IMMP2L: variants seen among roughly 807,000 people sequenced by gnomAD.
IMMP2L encodes mitochondrial inner membrane protease subunit 2.
In IMMP2L, 18 loss-of-function variants were observed where a neutral mutation model predicts 19.3. The ratio of observed to expected loss-of-function variants is 0.93; its 90% CI spans 0.64 to 1.38. The LOEUF (loss-of-function observed/expected upper bound fraction) is 1.38, where lower values mean the gene tolerates loss of function less well. Ranked by LOEUF, IMMP2L falls within the 40% of genes most tolerant of loss-of-function variation. The pLI, the probability that IMMP2L is intolerant of heterozygous loss-of-function variation, is 0.00. For missense variants in IMMP2L, 233 were observed against 218.2 expected (o/e 1.07, Z -0.43); for synonymous variants, 76 against 73.0 (o/e 1.04, Z -0.21).
chr7:111,144,616 T>C (rs1803272298), intron 3 of IMMP2L, among the ~76,000 whole-genome samples: 1 of 152,062 alleles, frequency 6.6e-6, no homozygotes, highest in South Asian at 2.1e-4. Context: ...GTTGCTGAGT[T>C]AAAACATATT....
intron 3 of IMMP2L, among the ~76,000 whole-genome samples, chr7:111,383,989 T>C (rs1831461125): frequency 6.6e-6 from 1 of 152,092 alleles, no homozygotes; most frequent in Non-Finnish European, 1.5e-5. Context: ...TATTTAATTG[T>C]ATCTCCCAGC....
intron 3 of IMMP2L, among the ~76,000 whole-genome samples, chr7:111,112,384 T>A (rs1412601316): frequency 6.6e-6 from 1 of 152,212 alleles, no homozygotes; most frequent in Non-Finnish European, 1.5e-5. Context: ...CACTTCGTAC[T>A]TCAGAGTGCC....
At chr7:111,477,835 T>C (rs1343237784) in intron 3 of IMMP2L, among the ~76,000 whole-genome samples, 1 of 151,918 alleles carries the variant, frequency 6.6e-6, no homozygotes, top group African/African-American at 2.4e-5. Flanking sequence ...GAGGTGGAGG[T>C]TGTGGTGAGC....
intron 3 of IMMP2L, among the ~76,000 whole-genome samples, chr7:111,011,975 C>A (rs190822704): frequency 1.3e-5 from 2 of 152,136 alleles, no homozygotes; most frequent in Non-Finnish European, 1.5e-5. Flanking sequence ...CCCACTTTTC[C>A]AGAACCATTT....
chr7:111,441,239 G>T (rs1364509569), intron 3 of IMMP2L, among the ~76,000 whole-genome samples: 1 of 151,856 alleles, frequency 6.6e-6, no homozygotes, highest in Admixed American at 6.6e-5. Flanking sequence ...AGCACAAGAG[G>T]CCTACCTTTC....
intron 4 of IMMP2L, among the ~76,000 whole-genome samples, chr7:110,942,362 C>T (rs1336729405): frequency 1.3e-5 from 2 of 151,828 alleles, no homozygotes; most frequent in Non-Finnish European, 2.9e-5. Flanking sequence ...TAATAGTAGG[C>T]TGCTATGCTT....
chr7:111,160,561 T>A (rs1396177871), intron 3 of IMMP2L, among the ~76,000 whole-genome samples: 1 of 151,906 alleles, frequency 6.6e-6, no homozygotes, highest in Non-Finnish European at 1.5e-5. Flanking sequence ...ATATGTTGAG[T>A]ACTCTCTGTT....
intron 3 of IMMP2L, among the ~76,000 whole-genome samples, chr7:111,475,822 T>G (rs912678593): frequency 2.6e-5 from 4 of 152,128 alleles, no homozygotes; most frequent in African/African-American, 9.7e-5. Context: ...TAATTGCAAC[T>G]ACAGACATAA....
At chr7:111,428,972 C>T (rs545725982) in intron 3 of IMMP2L, among the ~76,000 whole-genome samples, 151 of 151,764 alleles carry the variant, frequency 9.9e-4, no homozygotes, top group Middle Eastern at 6.8e-3. Flanking sequence ...TCAGATAAAA[C>T]GCGAATGAAG....
chr7:111,173,612 T>C (rs1806699204), intron 3 of IMMP2L, among the ~76,000 whole-genome samples: 1 of 151,664 alleles, frequency 6.6e-6, no homozygotes, highest in African/African-American at 2.4e-5. Flanking sequence ...CAGTTAACTA[T>C]AATTTGTATG....
chr7:111,168,299 C>A (rs1021224615), intron 3 of IMMP2L, among the ~76,000 whole-genome samples: 7 of 150,886 alleles, frequency 4.6e-5, no homozygotes, highest in Non-Finnish European at 1.0e-4. Flanking sequence ...TTTCTACAGA[C>A]CTGAACCTTT....
chr7:111,265,447 A>T (rs1051218562), intron 3 of IMMP2L, among the ~76,000 whole-genome samples: 1 of 152,190 alleles, frequency 6.6e-6, no homozygotes, highest in African/African-American at 2.4e-5. Flanking sequence ...ATAATTTGTC[A>T]GGAGCTGTAC....
chr7:111,441,753 C>G (rs1585111867), intron 3 of IMMP2L, among the ~76,000 whole-genome samples: 1 of 149,654 alleles, frequency 6.7e-6, no homozygotes, highest in Middle Eastern at 3.5e-3. Context: ...ACAGTATCTG[C>G]AAAGTGCAAT....
chr7:111,148,226 A>C (rs1285384684), intron 3 of IMMP2L, among the ~76,000 whole-genome samples: 1 of 152,120 alleles, frequency 6.6e-6, no homozygotes, highest in Non-Finnish European at 1.5e-5. Context: ...AATCTTGAAA[A>C]CATTATGCTA....
intron 3 of IMMP2L, among the ~76,000 whole-genome samples, chr7:111,053,310 T>G (rs1252106728): frequency 6.6e-6 from 1 of 152,216 alleles, no homozygotes; most frequent in Non-Finnish European, 1.5e-5. Context: ...TGCAGTGACC[T>G]GCTAGCGCTT....
intron 3 of IMMP2L, among the ~76,000 whole-genome samples, chr7:111,055,721 C>T (rs1793447673): frequency 6.6e-6 from 1 of 152,102 alleles, no homozygotes; most frequent in Admixed American, 6.5e-5. Flanking sequence ...CATTAGGCTC[C>T]AAAGGACATA....
intron 5 of IMMP2L, among the ~76,000 whole-genome samples, chr7:110,773,238 G>A (rs1799155493): frequency 6.6e-6 from 1 of 152,062 alleles, no homozygotes; most frequent in African/African-American, 2.4e-5. Flanking sequence ...ACCTTTCGAT[G>A]TTTCAAGGTC....
chr7:111,293,425 T>G (rs1422132789), intron 3 of IMMP2L, among the ~76,000 whole-genome samples: 3 of 151,744 alleles, frequency 2.0e-5, no homozygotes, highest in South Asian at 4.2e-4. Flanking sequence ...TAATAATGTA[T>G]TTTTTTCAAC....
At chr7:111,438,257 GAC>G (rs200927150) in intron 3 of IMMP2L, among the ~76,000 whole-genome samples, 1,638 of 151,804 alleles carry the variant, frequency 0.011, 81 homozygotes, top group African/African-American at 0.037. Flanking sequence ...ATAACATGCT[GAC>G]AGTCTCAAAG....
Sources: allele counts gnomAD v4.1 joint callset (sites outside exome capture counted in the v4.1 genomes callset), GRCh38; gene constraint gnomAD v4.1.1; transcripts MANE v1.5; gene names NCBI Gene and HGNC (gene_info 2026-07-23, HGNC 2026-07-21).